DDX54: variants seen among roughly 807,000 people sequenced by gnomAD.
The protein encoded by DDX54 is ATP-dependent RNA helicase DDX54.
A neutral mutation model predicts 105.5 loss-of-function variants in DDX54; 67 were observed. The ratio of observed to expected loss-of-function variants is 0.64; its 90% CI spans 0.52 to 0.78. The LOEUF (loss-of-function observed/expected upper bound fraction) is 0.78, where lower values mean the gene tolerates loss of function less well. Ranked by LOEUF, DDX54 falls within the 30% of genes least tolerant of loss-of-function variation. The pLI, the probability that DDX54 is intolerant of heterozygous loss-of-function variation, is 0.00. For synonymous variants in DDX54, 514 were observed against 509.9 expected, an observed-to-expected ratio of 1.01 and a Z score of -0.11; for missense variants, 1,206 against 1,230.5, an observed-to-expected ratio of 0.98 and a Z score of 0.30.
At chr12:113,180,802 C>T in intron 2 of DDX54, 127 bp downstream of exon 2, 1 of 1,486,902 alleles carries the variant, frequency 6.7e-7, no homozygotes, top group Non-Finnish European at 9.1e-7. Flanking sequence ...TGGAGGACCA[C>T]ATCTGCTACC....
chr12:113,172,934 A>G (rs1393176993), intron 10 of DDX54, among the ~76,000 whole-genome samples: 1 of 152,104 alleles, frequency 6.6e-6, no homozygotes, highest in African/African-American at 2.4e-5. Context: ...ATCTGTACGA[A>G]TAACTGCCCC....
intron 1 of DDX54, among the ~76,000 whole-genome samples, chr12:113,184,671 TA>T (rs1350192386): frequency 3.9e-5 from 6 of 151,920 alleles, no homozygotes; most frequent in African/African-American, 1.5e-4. Flanking sequence ...ACAAAAAATT[TA>T]AAAATTATCC....
rs1395719170 is a variant in DDX54, at chr12:113,174,926, C to T, written c.885G>A (p.Glu295=). 6.2e-7 allele frequency: 1 copy of T among 1,613,384 alleles called. No homozygotes were observed. Among genetic ancestry groups the T allele is most frequent in the Non-Finnish European group, 8.5e-7 (1 of 1,179,704 alleles). Residue 295 remains glutamate (E), a synonymous_variant, in exon 9 of 20, where the codon GAG becomes GAA. Transcript: ENST00000306014. The stretch of plus-strand genomic sequence containing the variant: ...CCACGTCAAGCCGGATGAGCACGGG[C>T]TCCGTGAGGCCTGCAGGAGACATGG... ...LVEFARAGLT[E]PVLIRLDVDT...
At chr12:113,160,173 C>T (rs535977143) in intron 19 of DDX54, among the ~76,000 whole-genome samples, 2 of 152,316 alleles carry the variant, frequency 1.3e-5, no homozygotes, top group Non-Finnish European at 2.9e-5. Context: ...GACACTCCCA[C>T]AGATGGGAGA....
intron 1 of DDX54, among the ~76,000 whole-genome samples, chr12:113,182,801 C>T (rs534969540): frequency 6.6e-4 from 100 of 152,194 alleles, no homozygotes; most frequent in Non-Finnish European, 1.2e-3. Context: ...AAGTGATCCG[C>T]TCACCTTGGC....
rs573327312 is a variant in DDX54, at chr12:113,166,191, G to A, written c.1415-159C>T. 1.0e-3 allele frequency among the ~76,000 whole-genome samples: 158 copies of A among 152,332 alleles called. 1 individual carries two copies. Among genetic ancestry groups the A allele is most frequent in the African/African-American group, 3.6e-3 (149 of 41,576 alleles). The stretch of plus-strand genomic sequence containing the variant: ...CACCAGCACTCAGGGAGGAGCTAGA[G>A]AGCCAGACACTTGAATACACTGACA... On this transcript the variant is annotated intron_variant, in intron 12 of 19. Coordinates refer to ENST00000306014, the MANE Select transcript of DDX54 (RefSeq NM_024072.4).
Position 113,159,065 on chromosome 12 carries a change from G to A in DDX54, c.2458C>T (p.Arg820Cys), listed in dbSNP as rs555973147. The change falls in exon 20 of 20, where the codon CGC becomes TGC. Residue 820 changes from arginine (R) to cysteine (C), a missense_variant. Arg to Cys is a radical substitution (Grantham distance 180). This residue lies in a region of DDX54 where 961 missense variants were observed against 1,019.1 expected (regional missense o/e 0.94). Transcript: ENST00000306014. ...HAPGTPAGRV[R>C]PELKTKQQIL... ...TGCTGCTTGGTCTTGAGTTCCGGGC[G>A]GACTCGGCCTGCAGGGGTGCCTGGG... The A allele has an allele frequency of 1.3e-5, 21 of 1,608,810 alleles. No homozygotes were observed. The highest frequency in any genetic ancestry group is 3.3e-4 in the Middle Eastern group (2 of 5,998).
At chr12:113,166,605 G>GCA (rs1200100065) in intron 12 of DDX54, among the ~76,000 whole-genome samples, 1 of 152,166 alleles carries the variant, frequency 6.6e-6, no homozygotes, top group Non-Finnish European at 1.5e-5. Context: ...CAGGGGGTGA[G>GCA]ACAGGAGGAT....
At chr12:113,176,500 G>A (rs931897294) in intron 7 of DDX54, among the ~76,000 whole-genome samples, 3 of 152,182 alleles carry the variant, frequency 2.0e-5, no homozygotes, top group African/African-American at 7.2e-5. Context: ...CCGGAAGGCG[G>A]AGGTTGAAAT....
At chr12:113,179,121 C>T (rs778225820) in intron 4 of DDX54, 22 bp downstream of exon 4, 1 of 1,613,620 alleles carries the variant, frequency 6.2e-7, no homozygotes, top group East Asian at 2.2e-5. Context: ...TGCCTCCAGC[C>T]TCTAGCCAAG....
chr12:113,184,914 T>A (rs1447093913), intron 1 of DDX54, among the ~76,000 whole-genome samples: 2 of 152,146 alleles, frequency 1.3e-5, no homozygotes, highest in African/African-American at 4.8e-5. Context: ...TAATTCAACC[T>A]CCCAAGAACG....
At chr12:113,170,160 T>G (rs1238588371) in intron 11 of DDX54, among the ~76,000 whole-genome samples, 1 of 152,318 alleles carries the variant, frequency 6.6e-6, no homozygotes, top group Non-Finnish European at 1.5e-5. Flanking sequence ...TCAAAACTCT[T>G]CAGTGTCCCC....
intron 1 of DDX54, among the ~76,000 whole-genome samples, chr12:113,184,374 CA>C (rs1366288709): frequency 1.1e-4 from 17 of 152,202 alleles, no homozygotes; most frequent in African/African-American, 3.9e-4. Context: ...GTAGCCACTA[CA>C]CCAGGCCTTT....
intron 19 of DDX54, 38 bp from the exon 20 acceptor site, chr12:113,159,147 A>G (rs748058381): frequency 2.2e-5 from 34 of 1,543,172 alleles, no homozygotes; most frequent in African/African-American, 1.9e-4. Flanking sequence ...AGCTGTTGGG[A>G]TCACTCCCAA....
Position 113,163,238 on chromosome 12 carries a change from G to C in DDX54, c.1975C>G (p.Arg659Gly). ...TTGGCTCCCCTGTTGGGTCCTGACC[G>C]CTGCCGCTTCCGGCCCACGACCTCT... is the stretch of plus-strand genomic sequence containing the variant. ...FSEVVGRKRQ[R>G]SGPNRGAKRR... The change falls in exon 16 of 20, where the codon CGG becomes GGG. Residue 659 changes from arginine (R) to glycine (G), a missense_variant. Coordinates refer to ENST00000306014, the MANE Select transcript of DDX54 (RefSeq NM_024072.4). This position sits in a 1 kb window ranked among gnomAD's most constrained non-coding sequence, Gnocchi z 5.9. The C allele has an allele frequency of 6.2e-7, 1 of 1,610,860 alleles. No homozygotes were observed. The highest frequency in any genetic ancestry group is 8.5e-7 in the Non-Finnish European group (1 of 1,179,954).
rs549649767 is a variant in DDX54 at position 113,179,949 on chromosome 12, G to A, written c.361C>T (p.Pro121Ser). 1.2e-6 allele frequency: 2 copies of A among 1,614,140 alleles called. No homozygotes were observed. The highest frequency in any genetic ancestry group is 3.3e-5 in the Admixed American group (2 of 60,024). ...IMKKGYKVPT[P>S]IQRKTIPVIL... Reference sequence around the variant, plus strand: ...CCACCCCTCACCTTCCTCTGGATGGGTGTTGGCACCTTGTACCCCTTCTTC... The same window carrying A: ...CCACCCCTCACCTTCCTCTGGATGGATGTTGGCACCTTGTACCCCTTCTTC... Residue 121 changes from proline (P) to serine (S), a missense_variant, in exon 3 of 20, where the codon CCC (proline) becomes TCC (serine). Around this residue, in one of 3 missense-constraint regions of DDX54, gnomAD observed 33 missense variants for 56.0 expected, o/e 0.59. Coordinates refer to ENST00000306014, the MANE Select transcript of DDX54 (RefSeq NM_024072.4).
Position 113,185,338 on chromosome 12 carries a change from G to A in DDX54, c.114C>T (p.Gly38=). Residue 38 remains glycine, a synonymous_variant, in exon 1 of 20, where the codon GGC becomes GGT. Coordinates refer to ENST00000306014, the MANE Select transcript of DDX54 (RefSeq NM_024072.4). The part of the protein sequence containing the change: ...KRRGAASQAR[G]SDSEDGEFEI... ...CAAACTCGCCGTCCTCCGAGTCGCTGCCGCGGGCCTGGGAGGCCGCGCCTC... is the reference window on the plus strand; with the variant it reads ...CAAACTCGCCGTCCTCCGAGTCGCTACCGCGGGCCTGGGAGGCCGCGCCTC... 6.3e-7 allele frequency: 1 copy of A among 1,585,890 alleles called. No homozygotes were observed. Among genetic ancestry groups the A allele is most frequent in the Non-Finnish European group, 8.6e-7 (1 of 1,169,528 alleles).
intron 14 of DDX54, 118 bp from the exon 15 acceptor site, chr12:113,164,403 T>C: frequency 7.9e-7 from 1 of 1,263,816 alleles, no homozygotes; most frequent in Non-Finnish European, 1.1e-6. Context: ...GTCCATTATC[T>C]GCACTTCACA....
At position 113,185,429 on chromosome 12, in the gene DDX54, G is replaced by T. The variant is rs760989558; in HGVS notation, c.23C>A (p.Ala8Glu). The part of the protein sequence containing the change: MAADKGP[A>E]AGPRSRAAMA... Reference sequence around the variant, plus strand: ...GGCAGCTCGCGACCGAGGTCCAGCCGCCGGGCCCTTGTCGGCCGCCATTCG... The same window carrying T: ...GGCAGCTCGCGACCGAGGTCCAGCCTCCGGGCCCTTGTCGGCCGCCATTCG... Residue 8 changes from alanine (A) to glutamate (E), a missense_variant, in exon 1 of 20, where the codon GCG becomes GAG. Ala to Glu is a moderately radical substitution (Grantham distance 107). Transcript: ENST00000306014. The T allele has an allele frequency of 6.6e-7, 1 of 1,519,394 alleles. No individual in the cohort carries two copies. The allele number at this position is 1,519,394 out of a possible 1,614,324, so 94.1% of individuals were successfully genotyped here. A position where few individuals can be genotyped will look rare whatever the true frequency, so the allele number is the denominator to read the frequency against.
Sources: allele counts gnomAD v4.1 joint callset (sites outside exome capture counted in the v4.1 genomes callset), GRCh38; gene constraint gnomAD v4.1.1; regional missense constraint gnomAD v4.1.1; non-coding constraint Gnocchi (gnomAD v3.1); transcripts MANE v1.5; gene names NCBI Gene and HGNC (gene_info 2026-07-23, HGNC 2026-07-21).